The following DNHD1 variants were observed in gnomAD, a reference collection of about 807,000 sequenced individuals.
The protein encoded by DNHD1 is dynein heavy chain domain 1, also known as dynein heavy chain domain-containing protein 1.
A neutral mutation model predicts 458.1 loss-of-function variants in DNHD1; 383 were observed. That is an observed-to-expected ratio of 0.84 (90% CI 0.77 to 0.91). The LOEUF is 0.91. DNHD1 is among the 40% of genes least tolerant of loss of function. The pLI is 0.00. For synonymous variants in DNHD1, 2,203 were observed against 2,376.9 expected (o/e 0.93, Z 2.13); for missense variants, 5,336 against 5,866.1 (o/e 0.91, Z 2.95).
chr11:6,550,134 A>G (rs888746409), intron 24 of DNHD1, among the ~76,000 whole-genome samples: 11 of 152,366 alleles, frequency 7.2e-5, no homozygotes, highest in East Asian at 1.9e-4. Flanking sequence ...TGATATGTCT[A>G]TGTCATCTTC....
chr11:6,519,617 C>A lies in DNHD1; in HGVS notation c.1410C>A (p.Tyr470Ter). ...GCTCACAGGTTCACGAGGACACATACCACATGCAACAGTGCCTACAGGAGC... is the reference window on the plus strand; with the variant it reads ...GCTCACAGGTTCACGAGGACACATAACACATGCAACAGTGCCTACAGGAGC... ...SILRLVHEDT[Y>*]HMQQCLQERV... The change falls in exon 8 of 43, where the codon TAC becomes TAA. Residue 470 changes from tyrosine (Y) to a stop codon, truncating the protein, a stop_gained. Coordinates refer to ENST00000254579, the MANE Select transcript of DNHD1 (RefSeq NM_144666.3). LOFTEE classifies it high-confidence loss of function. 1.2e-6 allele frequency: 2 copies of A among 1,614,162 alleles called. No homozygotes were observed. The highest frequency in any genetic ancestry group is 1.7e-4 in the Middle Eastern group (1 of 6,058).
At chr11:6,526,944 A>ATTGT (rs1260068546) in intron 10 of DNHD1, among the ~76,000 whole-genome samples, 1 of 151,988 alleles carries the variant, frequency 6.6e-6, no homozygotes, top group African/African-American at 2.4e-5. Context: ...CTGTTGCTTC[A>ATTGT]TTGTTTCCCT....
intron 33 of DNHD1, 23 bp from the exon 34 acceptor site, chr11:6,566,218 G>A: frequency 1.3e-6 from 2 of 1,549,162 alleles, no homozygotes; most frequent in Non-Finnish European, 1.7e-6. Flanking sequence ...TGTGGGTAGG[G>A]TGCCTTTGCC....
chr11:6,507,642 G>C (rs1852255488), intron 4 of DNHD1, among the ~76,000 whole-genome samples: 1 of 152,146 alleles, frequency 6.6e-6, no homozygotes, highest in Admixed American at 6.5e-5. Context: ...CATAGGAAAA[G>C]GAAATATCTC....
Position 6,498,252 on chromosome 11 carries a change from G to C in DNHD1, c.37G>C (p.Asp13His), listed in dbSNP as rs145615971. 1 of 1,614,126 alleles carries C rather than the reference G, an allele frequency of 6.2e-7. No homozygotes were observed. The highest frequency in any genetic ancestry group is 8.5e-7 in the Non-Finnish European group (1 of 1,179,990). ...GGAGAGGAGGGTAGGTTTGTCTTCT[G>C]ATGAGACATCATCTGATTCCCTTAA... ...PEERRVGLSS[D>H]ETSSDSLKSW... The change falls in exon 3 of 43, where the codon GAT becomes CAT. Residue 13 changes from aspartate (D) to histidine (H), a missense_variant. Asp to His is a moderately conservative substitution (Grantham distance 81). Around this residue, in one of 4 missense-constraint regions of DNHD1, gnomAD observed 3,932 missense variants for 4,365.6 expected, o/e 0.90. Coordinates refer to ENST00000254579, the MANE Select transcript of DNHD1 (RefSeq NM_144666.3).
chr11:6,530,556 G>A (rs1852805745), intron 12 of DNHD1, among the ~76,000 whole-genome samples: 1 of 152,190 alleles, frequency 6.6e-6, no homozygotes, highest in Non-Finnish European at 1.5e-5. Context: ...TTCCTGTGAA[G>A]ACTAGATCCT....
chr11:6,520,061 C>CT lies in DNHD1; in HGVS notation c.1745dup (p.Thr583AsnfsTer30). ...CTGTGTTGAAAATATGATCCAGACT[C>CT]TAACTGGAGGCCTACAGTCTGTCAA... is the stretch of plus-strand genomic sequence containing the variant. On this transcript the variant is annotated frameshift_variant, in exon 9 of 43. Transcript: ENST00000254579. LOFTEE classifies it high-confidence loss of function. The CT allele has an allele frequency of 6.2e-7, 1 of 1,614,206 alleles. No homozygotes were observed.
At chr11:6,502,653 G>A (rs1328724618) in intron 3 of DNHD1, 100 bp from the exon 4 acceptor site, 10 of 1,153,280 alleles carry the variant, frequency 8.7e-6, no homozygotes, top group Middle Eastern at 2.4e-4. Context: ...TCAGGCACCT[G>A]ATCTAGTCCT....
intron 10 of DNHD1, among the ~76,000 whole-genome samples, chr11:6,526,728 G>A (rs765430010): frequency 3.9e-5 from 6 of 151,980 alleles, no homozygotes; most frequent in African/African-American, 9.7e-5. Context: ...TCTCCATGAC[G>A]AGCTCTGTCC....
chr11:6,499,955 C>G (rs1852101862), intron 3 of DNHD1, among the ~76,000 whole-genome samples: 1 of 129,872 alleles, frequency 7.7e-6, no homozygotes. Flanking sequence ...TCAGCGTTCT[C>G]TAACTTTCGA....
chr11:6,534,753 T>C (rs1259394838), intron 14 of DNHD1, among the ~76,000 whole-genome samples: 1 of 152,066 alleles, frequency 6.6e-6, no homozygotes, highest in African/African-American at 2.4e-5. Flanking sequence ...CCAGAGCAAA[T>C]ATAAGAGCCA....
chr11:6,525,843 C>G (rs892994444), intron 10 of DNHD1, among the ~76,000 whole-genome samples: 1 of 152,084 alleles, frequency 6.6e-6, no homozygotes, highest in African/African-American at 2.4e-5. Flanking sequence ...TACAAAATCA[C>G]TTGTTCTTTT....
At chr11:6,541,383 A>G (rs1168049369) in intron 18 of DNHD1, among the ~76,000 whole-genome samples, 1 of 152,252 alleles carries the variant, frequency 6.6e-6, no homozygotes, top group Non-Finnish European at 1.5e-5. Flanking sequence ...CATAACTCAC[A>G]TAAATAGATT....
chr11:6,565,588 T>G (rs1853677876), intron 32 of DNHD1, 107 bp from the exon 33 acceptor site: 12 of 1,223,644 alleles, frequency 9.8e-6, no homozygotes, highest in Non-Finnish European at 1.3e-5. Flanking sequence ...TCCTAAGATG[T>G]CTTCCTGCAG....
intron 10 of DNHD1, among the ~76,000 whole-genome samples, chr11:6,523,481 T>G (rs529805405): frequency 6.6e-6 from 1 of 152,196 alleles, no homozygotes; most frequent in South Asian, 2.1e-4. Flanking sequence ...ACAAGAAGCT[T>G]TGCTCTGTGT....
chr11:6,564,150 C>T (rs1267253228), intron 31 of DNHD1, 26 bp downstream of exon 31: 9 of 1,542,508 alleles, frequency 5.8e-6, no homozygotes, highest in East Asian at 2.5e-5. Flanking sequence ...CCAGATGTCT[C>T]CCCCAAAGTT....
chr11:6,562,016 G>A (rs892436621), intron 28 of DNHD1, among the ~76,000 whole-genome samples: 1 of 152,218 alleles, frequency 6.6e-6, no homozygotes, highest in African/African-American at 2.4e-5. Flanking sequence ...AGGCTGCAGT[G>A]GGGGAATAAA....
rs769653956 is a variant in DNHD1 at position 6,557,279 on chromosome 11, C to T, written c.7984C>T (p.Pro2662Ser). The T allele has an allele frequency of 1.9e-6, 3 of 1,551,506 alleles. 1 individual carries two copies. The South Asian group carries it at 3.6e-5, about 18-fold the overall frequency. Reference protein sequence around the residue: ...QRTFCDRLDSPRERSYCAKLL... With the variant: ...QRTFCDRLDSSRERSYCAKLL... ...AACCTTTTGCGACCGGCTGGACAGC[C>T]CCAGGGAACGCTCCTACTGTGCCAA... Residue 2662 changes from proline to serine, a missense_variant, in exon 25 of 43, where the codon CCC becomes TCC. Pro to Ser is a moderately conservative substitution (Grantham distance 74, BLOSUM62 -1). Around this residue, in one of 4 missense-constraint regions of DNHD1, gnomAD observed 3,932 missense variants for 4,365.6 expected, o/e 0.90. Coordinates refer to ENST00000254579, the MANE Select transcript of DNHD1 (RefSeq NM_144666.3).
chr11:6,548,770 C>A lies in DNHD1; in HGVS notation c.7224C>A (p.Tyr2408Ter). 1 of 1,551,688 alleles carries A rather than the reference C, an allele frequency of 6.4e-7. No individual in the cohort carries two copies. The highest frequency in any genetic ancestry group is 8.7e-7 in the Non-Finnish European group (1 of 1,146,982). Reference protein sequence around the residue: ...VEVLVEPHHPYIYSPIHPAFS... With the variant: ...VEVLVEPHHP ...TGCTGGTAGAGCCACATCACCCTTA[C>A]ATATACAGCCCCATCCACCCTGCCT... Residue 2408 changes from tyrosine to a stop codon, truncating the protein, a stop_gained, in exon 24 of 43, where the codon TAC becomes TAA. Transcript: ENST00000254579. LOFTEE classifies it high-confidence loss of function. This position sits in a 1 kb window ranked among gnomAD's most constrained non-coding sequence, Gnocchi z 4.4.
Sources: gnomAD v4.1 joint callset for allele counts (sites outside exome capture counted in the v4.1 genomes callset) on GRCh38, gnomAD v4.1.1 for gene constraint, gnomAD v4.1.1 regional missense constraint, Gnocchi (gnomAD v3.1) non-coding constraint, MANE v1.5 for transcripts, NCBI Gene and HGNC (gene_info 2026-07-23, HGNC 2026-07-21) for gene names.